USP31: variants seen among roughly 807,000 people sequenced by gnomAD.
The protein encoded by USP31 is ubiquitin carboxyl-terminal hydrolase 31.
In USP31, 44 loss-of-function variants were observed where a neutral mutation model predicts 119.4. The ratio of observed to expected loss-of-function variants is 0.37; its 90% CI spans 0.29 to 0.47. USP31 has a LOEUF of 0.47. Ranked by LOEUF, USP31 falls within the 20% of genes least tolerant of loss-of-function variation. USP31 has a pLI of 0.99. For synonymous variants in USP31, 749 were observed against 705.6 expected (o/e 1.06, Z -0.97); for missense variants, 1,643 against 1,730.2 (o/e 0.95, Z 0.89).
At chr16:23,070,343 G>A (rs1900292610) in intron 15 of USP31, among the ~76,000 whole-genome samples, 1 of 152,100 alleles carries the variant, frequency 6.6e-6, no homozygotes, top group Admixed American at 6.5e-5. Flanking sequence ...CTACAGATGT[G>A]GATCAACGCA....
chr16:23,134,687 AAAAG>A (rs1162732363), intron 1 of USP31, among the ~76,000 whole-genome samples: 71 of 151,680 alleles, frequency 4.7e-4, no homozygotes, highest in Non-Finnish European at 6.3e-4. Flanking sequence ...AAAAAAAAAA[AAAAG>A]AAAGAAAGAA....
At chr16:23,133,376 C>T (rs1363211679) in intron 1 of USP31, among the ~76,000 whole-genome samples, 4 of 152,274 alleles carry the variant, frequency 2.6e-5, no homozygotes, top group African/African-American at 9.6e-5. Flanking sequence ...TTAATCAACA[C>T]GTTGTGCACC....
chr16:23,088,306 A>G (rs762957140), intron 7 of USP31, among the ~76,000 whole-genome samples: 3 of 152,232 alleles, frequency 2.0e-5, no homozygotes, highest in Non-Finnish European at 2.9e-5. Flanking sequence ...TATGTCCCAC[A>G]GAGTCCAAGC....
At chr16:23,142,871 T>G (rs1216202403) in intron 1 of USP31, among the ~76,000 whole-genome samples, 1 of 152,198 alleles carries the variant, frequency 6.6e-6, no homozygotes, top group African/African-American at 2.4e-5. Context: ...AGGGACACCC[T>G]GAAGTCAGTG....
chr16:23,077,542 AT>A (rs1186960156), intron 13 of USP31, among the ~76,000 whole-genome samples: 1 of 152,136 alleles, frequency 6.6e-6, no homozygotes, highest in East Asian at 1.9e-4. Context: ...AGTCCCAGAG[AT>A]TTAATAGTAC....
Position 23,062,619 on chromosome 16 carries a change from C to G in USP31, c.*5427G>C, listed in dbSNP as rs1366505965. ...TTTTCTTCTTCGACAATTTCTAGCTCAGAGTGACTTCCCTATTCCCCCACG... is the reference window on the plus strand; with the variant it reads ...TTTTCTTCTTCGACAATTTCTAGCTGAGAGTGACTTCCCTATTCCCCCACG... On this transcript the variant is annotated 3_prime_UTR_variant, in exon 16 of 16. Coordinates refer to ENST00000219689, the MANE Select transcript of USP31 (RefSeq NM_020718.4). 6.6e-6 allele frequency: 1 copy of G among 152,440 alleles called. No homozygotes were observed. The highest frequency in any genetic ancestry group is 1.5e-5 in the Non-Finnish European group (1 of 68,026). The allele number at this position is 152,440 out of a possible 1,614,324, so 9.4% of individuals were successfully genotyped here. A position where few individuals can be genotyped will look rare whatever the true frequency, so the allele number is the denominator to read the frequency against.
chr16:23,107,309 A>T (rs1214615978), intron 2 of USP31, among the ~76,000 whole-genome samples: 4 of 152,170 alleles, frequency 2.6e-5, no homozygotes, highest in Non-Finnish European at 5.9e-5. Flanking sequence ...GGATACAAAG[A>T]TAATAAGACC....
At position 23,069,339 on chromosome 16, in the gene USP31, G is replaced by A. The variant is rs763573152; in HGVS notation, c.2766C>T (p.Tyr922=). ...FGSLRNLSSS[Y]QEPSDSHSRR... ...GACTATGACTGTCGCTTGGTTCCTGGTAACTGCTAGAAAGGTTCCGCAAGC... is the reference window on the plus strand; with the variant it reads ...GACTATGACTGTCGCTTGGTTCCTGATAACTGCTAGAAAGGTTCCGCAAGC... Residue 922 remains tyrosine, a synonymous_variant, in exon 16 of 16, where the codon TAC becomes TAT. Coordinates refer to ENST00000219689, the MANE Select transcript of USP31 (RefSeq NM_020718.4). 1.9e-6 allele frequency: 3 copies of A among 1,603,052 alleles called. No homozygotes were observed. The highest frequency in any genetic ancestry group is 1.7e-5 in the Admixed American group (1 of 59,344).
chr16:23,089,042 A>T (rs147797533), intron 7 of USP31, among the ~76,000 whole-genome samples: 1 of 152,334 alleles, frequency 6.6e-6, no homozygotes, highest in African/African-American at 2.4e-5. Context: ...AGTACATGTA[A>T]ATCACCCAAC....
chr16:23,075,732 G>A (rs1199047602), intron 13 of USP31, among the ~76,000 whole-genome samples: 1 of 152,070 alleles, frequency 6.6e-6, no homozygotes, highest in Non-Finnish European at 1.5e-5. Flanking sequence ...TTACACAATC[G>A]ATTATATCAT....
intron 6 of USP31, among the ~76,000 whole-genome samples, chr16:23,095,030 TCAGAAGGTTG>T (rs1901540331): frequency 6.6e-6 from 1 of 152,128 alleles, no homozygotes; most frequent in Non-Finnish European, 1.5e-5. Flanking sequence ...GAAGTAGGCT[TCAGAAGGTTG>T]GTTCTCTGAG....
chr16:23,127,770 G>A lies in USP31; in HGVS notation c.634-19587C>T, dbSNP rs113493985. Among the ~76,000 whole-genome samples the A allele has an allele frequency of 6.1e-3, 919 of 151,618 alleles. 7 individuals carry two copies. Among genetic ancestry groups the A allele is most frequent in the African/African-American group, 0.021 (864 of 41,344 alleles). On this transcript the variant is annotated intron_variant, in intron 1 of 15. Coordinates refer to ENST00000219689, the MANE Select transcript of USP31 (RefSeq NM_020718.4). ...TGGGATTACAGGCGTGAGCCAACGC[G>A]CCTGGCCGAAACAACTAATATTAAC... is the stretch of plus-strand genomic sequence containing the variant.
chr16:23,105,363 G>A, intron 5 of USP31, 78 bp downstream of exon 5: 1 of 1,425,704 alleles, frequency 7.0e-7, no homozygotes, highest in African/African-American at 1.4e-5. Context: ...ACTTGGCAAA[G>A]AACTGTAAAA....
chr16:23,116,976 T>C (rs76079039), intron 1 of USP31, among the ~76,000 whole-genome samples: 4,792 of 152,264 alleles, frequency 0.031, 119 homozygotes, highest in Non-Finnish European at 0.044. Context: ...ACCAAAGGTA[T>C]TTCAGAGTTC....
intron 1 of USP31, among the ~76,000 whole-genome samples, chr16:23,129,451 T>G (rs968618362): frequency 6.6e-6 from 1 of 152,236 alleles, no homozygotes; most frequent in African/African-American, 2.4e-5. Context: ...ATCATTTTTC[T>G]AAAGCATCCT....
At chr16:23,126,628 A>G in intron 1 of USP31, among the ~76,000 whole-genome samples, 1 of 145,962 alleles carries the variant, frequency 6.9e-6, no homozygotes, top group East Asian at 2.0e-4. Context: ...CTCTGTCTCA[A>G]AAAAAAAAAA....
At chr16:23,073,301 T>C (rs910826156) in intron 14 of USP31, among the ~76,000 whole-genome samples, 3 of 152,162 alleles carry the variant, frequency 2.0e-5, no homozygotes, top group African/African-American at 2.4e-5. Flanking sequence ...TTAACACACA[T>C]TTATCTAACT....
chr16:23,062,403 A>G lies in USP31; in HGVS notation c.*5643T>C, dbSNP rs1483496239. ...TTTTAAAAAAAAGACACCAAAGAAAATGTTTCACATTCATTTTCAAACTAA... is the reference window on the plus strand; with the variant it reads ...TTTTAAAAAAAAGACACCAAAGAAAGTGTTTCACATTCATTTTCAAACTAA... On this transcript the variant is annotated 3_prime_UTR_variant, in exon 16 of 16. Coordinates refer to ENST00000219689, the MANE Select transcript of USP31 (RefSeq NM_020718.4). 2 of 152,432 alleles carry G rather than the reference A, an allele frequency of 1.3e-5. No homozygotes were observed. Among genetic ancestry groups the G allele is most frequent in the African/African-American group, 4.8e-5 (2 of 41,406 alleles). 9.4% of individuals were successfully genotyped at this position (152,432 alleles called of 1,614,324 possible). A position where few individuals can be genotyped will look rare whatever the true frequency, so the allele number is the denominator to read the frequency against.
chr16:23,103,198 ATT>A (rs1289634416), intron 5 of USP31, among the ~76,000 whole-genome samples: 3 of 152,202 alleles, frequency 2.0e-5, no homozygotes, highest in Non-Finnish European at 4.4e-5. Context: ...TTCTACAACG[ATT>A]CAGCCTCATG....
Sources: gnomAD v4.1 joint callset for allele counts (sites outside exome capture counted in the v4.1 genomes callset) on GRCh38, gnomAD v4.1.1 for gene constraint, MANE v1.5 for transcripts, NCBI Gene and HGNC (gene_info 2026-07-23, HGNC 2026-07-21) for gene names.